Variants in CLHC1 observed in about 807,000 individuals in gnomAD.
The protein encoded by CLHC1 is clathrin heavy chain linker domain containing 1.
In CLHC1, 72 loss-of-function variants were observed where a neutral mutation model predicts 69.5. That is an observed-to-expected ratio of 1.04 (90% CI 0.86 to 1.26). The LOEUF (loss-of-function observed/expected upper bound fraction) is 1.26. CLHC1 is among the 50% of genes most tolerant of loss of function. The pLI is 0.00. For synonymous variants in CLHC1, 223 were observed against 224.3 expected (o/e 0.99, Z 0.05); for missense variants, 790 against 679.3 (o/e 1.16, Z -1.81).
chr2:55,217,552 A>AAT (rs781577612), intron 4 of CLHC1, among the ~76,000 whole-genome samples: 558 of 43,140 alleles, frequency 0.013, 11 homozygotes, highest in Middle Eastern at 0.045. Flanking sequence ...AAAAAAAAAA[A>AAT]ATATATATAT....
At position 55,207,690 on chromosome 2, in the gene CLHC1, G is replaced by C. The variant is rs559036377; in HGVS notation, c.899+936C>G. 3.3e-5 allele frequency among the ~76,000 whole-genome samples: 5 copies of C among 152,184 alleles called. No homozygotes were observed. The South Asian group carries it at 1.0e-3, about 32-fold the overall frequency. On this transcript the variant is annotated intron_variant, in intron 8 of 12. Transcript: ENST00000401408. ...ATTAAAAATGTTTAAAAATGCTCCT[G>C]CATGTTAAACACCAGGGGAGCAACT...
chr2:55,208,990 C>A (rs557175793), intron 7 of CLHC1, among the ~76,000 whole-genome samples: 2 of 151,524 alleles, frequency 1.3e-5, no homozygotes, highest in South Asian at 2.1e-4. Context: ...CCTGCCTCAG[C>A]CTCCCGAGTA....
chr2:55,225,737 C>G (rs1674627877), intron 2 of CLHC1: 1 of 152,418 alleles, frequency 6.6e-6, no homozygotes, highest in Non-Finnish European at 1.5e-5. Flanking sequence ...TGCAGCATCC[C>G]CTCCTCCAGG....
chr2:55,212,739 C>T lies in CLHC1; in HGVS notation c.433G>A (p.Ala145Thr), dbSNP rs1673131715. ...SQIDHIKQCR[A>T]EYDTKEVKYC... Reference sequence around the variant, plus strand: ...TTTACTTCTTTTGTGTCATACTCTGCCCTACACTGCTTGATGTGATCTATT... The same window carrying T: ...TTTACTTCTTTTGTGTCATACTCTGTCCTACACTGCTTGATGTGATCTATT... The change falls in exon 5 of 13, where the codon GCA becomes ACA. Residue 145 changes from alanine to threonine, a missense_variant. Transcript: ENST00000401408. The T allele has an allele frequency of 2.5e-6, 4 of 1,591,832 alleles. No individual in the cohort carries two copies. The highest frequency in any genetic ancestry group is 3.4e-6 in the Non-Finnish European group (4 of 1,159,812).
At chr2:55,192,461 AAG>A (rs1671026182) in intron 9 of CLHC1, among the ~76,000 whole-genome samples, 1 of 152,266 alleles carries the variant, frequency 6.6e-6, no homozygotes, top group African/African-American at 2.4e-5. Flanking sequence ...TGTTGCTTAG[AAG>A]AAACTGATCT....
At chr2:55,232,477 G>T, upstream of CLHC1, 1 of 371,780 alleles carries the variant, frequency 2.7e-6, no homozygotes, top group Non-Finnish European at 5.1e-6. Context: ...CATCTTTTAC[G>T]TTGCTTAAAC....
chr2:55,221,207 C>A (rs922101063), intron 3 of CLHC1, among the ~76,000 whole-genome samples: 1 of 152,084 alleles, frequency 6.6e-6, no homozygotes, highest in Non-Finnish European at 1.5e-5. Context: ...AAGGTAAGTA[C>A]TTCCTGTGGC....
At chr2:55,188,365 A>T (rs1670614429) in intron 9 of CLHC1, among the ~76,000 whole-genome samples, 1 of 152,158 alleles carries the variant, frequency 6.6e-6, no homozygotes, top group Admixed American at 6.5e-5. Context: ...ACTCAATTTC[A>T]CTGGTAATGA....
chr2:55,211,300 G>A (rs768850946), intron 5 of CLHC1, among the ~76,000 whole-genome samples: 1 of 152,014 alleles, frequency 6.6e-6, no homozygotes, highest in Non-Finnish European at 1.5e-5. Flanking sequence ...AGGAGATCAA[G>A]ACCATCATGG....
chr2:55,213,066 T>G (rs1673164846), intron 4 of CLHC1, among the ~76,000 whole-genome samples: 1 of 152,184 alleles, frequency 6.6e-6, no homozygotes, highest in Non-Finnish European at 1.5e-5. Flanking sequence ...ACTATTCTCT[T>G]TAGTAGAAAA....
In CLHC1 at chr2:55,208,683, A is replaced by G; in HGVS notation, c.842T>C (p.Met281Thr). 6.2e-7 allele frequency: 1 copy of G among 1,612,244 alleles called. No individual in the cohort carries two copies. The highest frequency in any genetic ancestry group is 1.1e-5 in the South Asian group (1 of 91,000). The part of the protein sequence containing the change: ...QGDQGIVEEL[M>T]EDDPRRAKEA... Reference sequence around the variant, plus strand: ...TTTTGCCCTGCGTGGATCATCTTCCATTAGTTCTTCAACAATGCCTTGGTC... The same window carrying G: ...TTTTGCCCTGCGTGGATCATCTTCCGTTAGTTCTTCAACAATGCCTTGGTC... Residue 281 changes from methionine to threonine, a missense_variant, in exon 8 of 13, where the codon ATG (methionine) becomes ACG (threonine). Coordinates refer to ENST00000401408, the MANE Select transcript of CLHC1 (RefSeq NM_152385.4).
chr2:55,222,699 C>T (rs1442678439), intron 2 of CLHC1, among the ~76,000 whole-genome samples: 1 of 151,932 alleles, frequency 6.6e-6, no homozygotes, highest in Non-Finnish European at 1.5e-5. Flanking sequence ...GCAGGTGGAT[C>T]ATCTGAGGTC....
At position 55,209,489 on chromosome 2, in the gene CLHC1, C is replaced by G; in HGVS notation, c.729G>C (p.Gln243His). The change falls in exon 7 of 13, where the codon CAG (glutamine) becomes CAC (histidine). Residue 243 changes from glutamine to histidine, a missense_variant. Gln to His is a conservative substitution (Grantham distance 24). Coordinates refer to ENST00000401408, the MANE Select transcript of CLHC1 (RefSeq NM_152385.4). ...CAGATTTTACCCATGAACTAAGTGCCTGTGAAATTATCTGCAGTCTTTGAT... is the reference window on the plus strand; with the variant it reads ...CAGATTTTACCCATGAACTAAGTGCGTGTGAAATTATCTGCAGTCTTTGAT... ...FCHQRLQIIS[Q>H]ALSSWVKSDM... 1 of 1,611,346 alleles carries G rather than the reference C, an allele frequency of 6.2e-7. No homozygotes were observed. Among genetic ancestry groups the G allele is most frequent in the Non-Finnish European group, 8.5e-7 (1 of 1,179,060 alleles).
chr2:55,227,281 G>C (rs1278827849), intron 2 of CLHC1, among the ~76,000 whole-genome samples: 1 of 151,666 alleles, frequency 6.6e-6, no homozygotes, highest in East Asian at 1.9e-4. Flanking sequence ...AAAGCACCAG[G>C]CACCATTTCA....
upstream of CLHC1, chr2:55,232,408 G>A (rs147873889): frequency 4.3e-3 from 1,212 of 282,268 alleles, 3 homozygotes; most frequent in Non-Finnish European, 5.8e-3. Flanking sequence ...GGCCCCCCTC[G>A]ACCTCCTTTT....
chr2:55,189,055 T>C (rs1670680596), intron 9 of CLHC1, among the ~76,000 whole-genome samples: 2 of 152,010 alleles, frequency 1.3e-5, no homozygotes, highest in East Asian at 3.9e-4. Context: ...AGAAGAAAGG[T>C]GATGGTAAGG....
At chr2:55,217,438 G>T (rs1175459101) in intron 4 of CLHC1, among the ~76,000 whole-genome samples, 1 of 140,606 alleles carries the variant, frequency 7.1e-6, no homozygotes, top group Non-Finnish European at 1.5e-5. Context: ...CAAGACAACT[G>T]CTTGAGACCA....
intron 9 of CLHC1, among the ~76,000 whole-genome samples, chr2:55,202,104 A>T (rs1335171914): frequency 6.6e-6 from 1 of 152,150 alleles, no homozygotes; most frequent in African/African-American, 2.4e-5. Flanking sequence ...TCTGGAACAC[A>T]ACAAAGATGC....
chr2:55,214,374 G>A (rs185961162), intron 4 of CLHC1: 11 of 152,378 alleles, frequency 7.2e-5, no homozygotes, highest in Admixed American at 2.0e-4. Flanking sequence ...TGGGTGTGGT[G>A]GTGGGCACCT....
Sources: allele counts gnomAD v4.1 joint callset (sites outside exome capture counted in the v4.1 genomes callset), GRCh38; gene constraint gnomAD v4.1.1; transcripts MANE v1.5; gene names NCBI Gene and HGNC (gene_info 2026-07-23, HGNC 2026-07-21).